PDZRN4: variants seen among roughly 807,000 people sequenced by gnomAD.
PDZRN4 encodes the protein PDZ domain-containing RING finger protein 4.
In PDZRN4, 70 loss-of-function variants were observed where a neutral mutation model predicts 99.0. That is an observed-to-expected ratio of 0.71 (90% CI 0.58 to 0.86). PDZRN4 has a LOEUF of 0.86. PDZRN4 is among the 40% of genes least tolerant of loss of function. The pLI is 0.00. For missense variants in PDZRN4, 1,474 were observed against 1,331.2 expected, an observed-to-expected ratio of 1.11 and a Z score of -1.67; for synonymous variants, 551 against 501.6, an observed-to-expected ratio of 1.10 and a Z score of -1.32.
intron 3 of PDZRN4, among the ~76,000 whole-genome samples, chr12:41,319,085 G>T (rs1400808288): frequency 6.6e-6 from 1 of 152,090 alleles, no homozygotes; most frequent in Non-Finnish European, 1.5e-5. Flanking sequence ...CATGCATCTT[G>T]AATGCTTCAG....
At position 41,188,786 on chromosome 12, in the gene PDZRN4, C is replaced by G. The variant is rs549946808; in HGVS notation, c.331C>G (p.Arg111Gly). 5.1e-6 allele frequency: 7 copies of G among 1,375,328 alleles called. No individual in the cohort carries two copies. The East Asian group carries it at 1.5e-4, about 30-fold the overall frequency. 85.2% of individuals were successfully genotyped at this position (1,375,328 alleles called of 1,614,324 possible). A position where few individuals can be genotyped will look rare whatever the true frequency, so the allele number is the denominator to read the frequency against. The part of the protein sequence containing the change: ...VEHCDFGPAR[R>G]LRSRGGCASG... ...GCACTGCGACTTCGGCCCTGCCCGC[C>G]GGCTCCGCAGCCGCGGGGGCTGCGC... The change falls in exon 1 of 10, where the codon CGG becomes GGG. Residue 111 changes from arginine to glycine, a missense_variant. Arg to Gly is a moderately radical substitution (Grantham distance 125). Coordinates refer to ENST00000402685, the MANE Select transcript of PDZRN4 (RefSeq NM_001164595.2).
chr12:41,484,525 C>T (rs1937737477), intron 3 of PDZRN4, among the ~76,000 whole-genome samples: 1 of 152,168 alleles, frequency 6.6e-6, no homozygotes, highest in Non-Finnish European at 1.5e-5. Flanking sequence ...GAGCATCCCA[C>T]CACAATGAGG....
intron 5 of PDZRN4, among the ~76,000 whole-genome samples, chr12:41,528,416 AT>A (rs1263911252): frequency 2.0e-5 from 3 of 152,144 alleles, no homozygotes; most frequent in African/African-American, 7.2e-5. Flanking sequence ...TACAAATGAG[AT>A]TGTGGTTATT....
rs545614274 is a variant in PDZRN4 at position 41,474,067 on chromosome 12, G to A, written c.844-32389G>A. The stretch of plus-strand genomic sequence containing the variant: ...CACAGAGGTGCCTATGGCCTGTGAA[G>A]AGGATAAGAAATTGTCCAGCCAAAG... On this transcript the variant is annotated intron_variant, in intron 3 of 9. Coordinates refer to ENST00000402685, the MANE Select transcript of PDZRN4 (RefSeq NM_001164595.2). 2.0e-5 allele frequency among the ~76,000 whole-genome samples: 3 copies of A among 152,330 alleles called. No homozygotes were observed. The East Asian group carries it at 5.8e-4, about 29-fold the overall frequency.
intron 5 of PDZRN4, among the ~76,000 whole-genome samples, chr12:41,535,564 C>T (rs1430549652): frequency 5.3e-5 from 8 of 152,108 alleles, no homozygotes; most frequent in Admixed American, 5.2e-4. Context: ...TTGAATGTGT[C>T]CCCCAAAAAG....
At chr12:41,198,953 T>C (rs1339801617) in intron 3 of PDZRN4, among the ~76,000 whole-genome samples, 1 of 152,174 alleles carries the variant, frequency 6.6e-6, no homozygotes, top group Non-Finnish European at 1.5e-5. Context: ...TCACTATCTG[T>C]ACTGCTAAAA....
intron 3 of PDZRN4, among the ~76,000 whole-genome samples, chr12:41,224,277 A>C (rs1427713057): frequency 6.6e-6 from 1 of 152,192 alleles, no homozygotes; most frequent in Non-Finnish European, 1.5e-5. Context: ...AACAATGCTC[A>C]GAGAGATTAT....
At chr12:41,490,526 T>A (rs1183548560) in intron 3 of PDZRN4, among the ~76,000 whole-genome samples, 1 of 152,140 alleles carries the variant, frequency 6.6e-6, no homozygotes, top group South Asian at 2.1e-4. Context: ...TTTGTTGACT[T>A]CCTACTCTAT....
At chr12:41,324,543 C>A (rs528573204) in intron 3 of PDZRN4, among the ~76,000 whole-genome samples, 1 of 152,198 alleles carries the variant, frequency 6.6e-6, no homozygotes, top group South Asian at 2.1e-4. Flanking sequence ...TTCGTTTACA[C>A]ACAGATCTCT....
In PDZRN4 at chr12:41,301,783, G is replaced by A. The variant is rs145937639; in HGVS notation, c.843+107595G>A. The stretch of plus-strand genomic sequence containing the variant: ...GGATGCCTGGCACCAAAATACGGAT[G>A]GAAAGAGCCTGGGATTTGCTTGAGT... On this transcript the variant is annotated intron_variant, in intron 3 of 9. Coordinates refer to ENST00000402685, the MANE Select transcript of PDZRN4 (RefSeq NM_001164595.2). Among the ~76,000 whole-genome samples, 11 of 152,106 alleles carry A rather than the reference G, an allele frequency of 7.2e-5. No individual in the cohort carries two copies. In the East Asian group the frequency reaches 2.1e-3, roughly 29 times the overall value.
intron 3 of PDZRN4, among the ~76,000 whole-genome samples, chr12:41,322,118 GC>G (rs1266496549): frequency 6.6e-6 from 1 of 152,016 alleles, no homozygotes; most frequent in Admixed American, 6.6e-5. Flanking sequence ...TGCAACCTCT[GC>G]CCCCTGGGTT....
At position 41,552,695 on chromosome 12, in the gene PDZRN4, G is replaced by T; in HGVS notation, c.1243G>T (p.Gly415Cys). Reference protein sequence around the residue: ...LCRVSSQEKLGLTVCYRTDDE... With the variant: ...LCRVSSQEKLCLTVCYRTDDE... ...TCGTGTTAGCAGTCAAGAGAAGCTG[G>T]GCCTGACAGTCTGTTACCGAACAGA... Residue 415 changes from glycine (G) to cysteine (C), a missense_variant, in exon 6 of 10, where the codon GGC (glycine) becomes TGC (cysteine). Physicochemically the swap from Gly to Cys is radical, Grantham distance 159. Transcript: ENST00000402685. 4 of 1,613,802 alleles carry T rather than the reference G, an allele frequency of 2.5e-6. No individual in the cohort carries two copies. The highest frequency in any genetic ancestry group is 3.4e-6 in the Non-Finnish European group (4 of 1,179,822).
At chr12:41,467,078 A>T (rs1952933902) in intron 3 of PDZRN4, among the ~76,000 whole-genome samples, 1 of 152,236 alleles carries the variant, frequency 6.6e-6, no homozygotes, top group African/African-American at 2.4e-5. Context: ...CCTTTGATGA[A>T]TGCAGTCATT....
intron 3 of PDZRN4, among the ~76,000 whole-genome samples, chr12:41,290,850 A>T (rs1199141848): frequency 6.6e-6 from 1 of 152,046 alleles, no homozygotes; most frequent in Non-Finnish European, 1.5e-5. Flanking sequence ...AATTTTTCAT[A>T]TTCATTTACA....
chr12:41,393,487 A>G (rs1308195840), intron 3 of PDZRN4, among the ~76,000 whole-genome samples: 3 of 143,000 alleles, frequency 2.1e-5, no homozygotes, highest in Non-Finnish European at 4.5e-5. Context: ...CTCAGGAAAG[A>G]TCTAGAAACC....
rs114647805 is a variant in PDZRN4, at chr12:41,201,681, G to A, written c.843+7493G>A. On this transcript the variant is annotated intron_variant, in intron 3 of 9. Transcript: ENST00000402685. ...ACATCCCTGAAATTTTTCCAGTTGG[G>A]CAGTCCCCAAAGGCTCTCCTGTAAC... 6.8e-3 allele frequency among the ~76,000 whole-genome samples: 1,035 copies of A among 152,012 alleles called. 6 individuals are homozygous for A. The highest frequency in any genetic ancestry group is 0.024 in the African/African-American group (999 of 41,492).
chr12:41,275,656 AT>A (rs895830702), intron 3 of PDZRN4, among the ~76,000 whole-genome samples: 136 of 151,174 alleles, frequency 9.0e-4, no homozygotes, highest in African/African-American at 3.1e-3. Flanking sequence ...TATACTGTGG[AT>A]TTTTTTAAAA....
intron 3 of PDZRN4, among the ~76,000 whole-genome samples, chr12:41,490,042 C>T (rs1937853330): frequency 6.6e-6 from 1 of 151,844 alleles, no homozygotes; most frequent in Admixed American, 6.6e-5. Context: ...AGCTTTACCA[C>T]TTGTTGTGTG....
chr12:41,452,948 G>A (rs1952787348), intron 3 of PDZRN4, among the ~76,000 whole-genome samples: 2 of 151,940 alleles, frequency 1.3e-5, no homozygotes, highest in South Asian at 2.1e-4. Flanking sequence ...AACAACACCT[G>A]GGAGGAAATG....
Sources: allele counts gnomAD v4.1 joint callset (sites outside exome capture counted in the v4.1 genomes callset), GRCh38; gene constraint gnomAD v4.1.1; transcripts MANE v1.5; gene names NCBI Gene and HGNC (gene_info 2026-07-23, HGNC 2026-07-21).